MAP1B: variants seen among roughly 807,000 people sequenced by gnomAD.
MAP1B encodes the protein microtubule-associated protein 1B.
Under a neutral mutation model 176.1 loss-of-function variants are expected in MAP1B, and 12 were observed. The ratio of observed to expected loss-of-function variants is 0.07; its 90% CI spans 0.04 to 0.11. MAP1B has a LOEUF of 0.11. Among genes scored for constraint, MAP1B ranks in the 10% least tolerant of loss-of-function variants. MAP1B has a pLI of 1.00. For missense variants in MAP1B, 2,523 were observed against 2,990.5 expected (o/e 0.84, Z 3.65); for synonymous variants, 1,044 against 1,135.0 (o/e 0.92, Z 1.61).
chr5:72,146,130 C>T (rs978282545), intron 2 of MAP1B, among the ~76,000 whole-genome samples: 3 of 152,172 alleles, frequency 2.0e-5, no homozygotes, highest in South Asian at 4.1e-4. Flanking sequence ...TTTGCAATGC[C>T]AGTTGGAAGG....
intron 2 of MAP1B, among the ~76,000 whole-genome samples, chr5:72,150,270 G>A (rs973118681): frequency 5.9e-5 from 9 of 152,066 alleles, no homozygotes; most frequent in South Asian, 2.1e-4. Context: ...ATTTTATACC[G>A]TTATTACTCA....
intron 3 of MAP1B, 140 bp downstream of exon 3, chr5:72,183,965 C>T: frequency 1.5e-6 from 1 of 677,060 alleles, no homozygotes; most frequent in Non-Finnish European, 2.5e-6. Context: ...CTTTCTCAAC[C>T]CCCATTAAGT....
rs1561320214 is a variant in MAP1B, at chr5:72,204,951, T to C, written c.7252-133T>C. 1.7e-6 allele frequency: 1 copy of C among 599,292 alleles called. No homozygotes were observed. Among genetic ancestry groups the C allele is most frequent in the East Asian group, 2.9e-5 (1 of 34,192 alleles). 37.1% of individuals were successfully genotyped at this position (599,292 alleles called of 1,614,324 possible). ...TATACATTGAAAAATCCTTTGCATT[T>C]CTTGAGGAAAATAGAAAAGTTTTCT... On this transcript the variant is annotated intron_variant, in intron 6 of 6. Coordinates refer to ENST00000296755, the MANE Select transcript of MAP1B (RefSeq NM_005909.5). This position sits in a 1 kb window ranked among gnomAD's most constrained non-coding sequence, Gnocchi z 4.4.
At position 72,119,755 on chromosome 5, in the gene MAP1B, T is replaced by C. The variant is rs191853247; in HGVS notation, c.286+3956T>C. ...AACTCCTGAGCTCAAGCAATCTGTC[T>C]GCCTTGGCCTCAAAGTTCTGGGATT... On this transcript the variant is annotated intron_variant, in intron 2 of 6. Transcript: ENST00000296755. Among the ~76,000 whole-genome samples, 233 of 152,300 alleles carry C rather than the reference T, an allele frequency of 1.5e-3. 1 individual carries two copies. The highest frequency in any genetic ancestry group is 5.4e-3 in the African/African-American group (224 of 41,572).
In MAP1B at chr5:72,203,672, G is replaced by C. The variant is rs1223952793; in HGVS notation, c.7122G>C (p.Val2374=). 6.2e-7 allele frequency: 1 copy of C among 1,614,132 alleles called. No homozygotes were observed. Among genetic ancestry groups the C allele is most frequent in the Admixed American group, 1.7e-5 (1 of 60,014 alleles). Residue 2374 remains valine (V), a synonymous_variant, in exon 6 of 7, where the codon GTG becomes GTC. Transcript: ENST00000296755. ...PNHSNSKNVD[V]EFFKRVRSSY... ...ACAGCAATAGTAAGAATGTTGATGT[G>C]GAATTTTTCAAGAGAGTGCGGTCTT...
chr5:72,191,781 T>G (rs1222140219), intron 4 of MAP1B, among the ~76,000 whole-genome samples: 1 of 152,252 alleles, frequency 6.6e-6, no homozygotes, highest in Non-Finnish European at 1.5e-5. Flanking sequence ...CATTCACCAG[T>G]GTCTCTTGGC....
At chr5:72,200,507 C>A in intron 5 of MAP1B, 140 bp downstream of exon 5, 1 of 1,104,400 alleles carries the variant, frequency 9.1e-7, no homozygotes, top group Non-Finnish European at 1.3e-6. Flanking sequence ...TACTCTTCTC[C>A]TCTGCCCAAA....
chr5:72,138,845 A>G (rs965188299), intron 2 of MAP1B, among the ~76,000 whole-genome samples: 2 of 152,238 alleles, frequency 1.3e-5, no homozygotes, highest in Non-Finnish European at 2.9e-5. Flanking sequence ...CCCAAATTGT[A>G]ATATGGGTTA....
chr5:72,147,761 T>A (rs1283143362), intron 2 of MAP1B, among the ~76,000 whole-genome samples: 1 of 152,034 alleles, frequency 6.6e-6, no homozygotes, highest in Admixed American at 6.5e-5. Context: ...GGGGAAAAAA[T>A]TGGTTACTAT....
In MAP1B at chr5:72,208,984, AC is replaced by A. The variant is rs1229011676; in HGVS notation, c.*3746del. 6.6e-6 allele frequency: 1 copy of A among 152,208 alleles called. No individual in the cohort carries two copies. The highest frequency in any genetic ancestry group is 1.5e-5 in the Non-Finnish European group (1 of 68,044). 9.4% of individuals were successfully genotyped at this position (152,208 alleles called of 1,614,324 possible). On this transcript the variant is annotated 3_prime_UTR_variant, in exon 7 of 7. Transcript: ENST00000296755. The stretch of plus-strand genomic sequence containing the variant: ...TTTATCTTTTAACCAACTGAACAAT[AC>A]ACCAAAAGCAGCCTAGGGATGAGCA...
intron 5 of MAP1B, among the ~76,000 whole-genome samples, chr5:72,202,244 C>T (rs371925335): frequency 1.7e-4 from 26 of 152,204 alleles, no homozygotes; most frequent in Non-Finnish European, 2.8e-4. Context: ...GAGTAGAGGG[C>T]GAAATTGGCA....
At chr5:72,132,293 A>C (rs1209791104) in intron 2 of MAP1B, among the ~76,000 whole-genome samples, 1 of 152,224 alleles carries the variant, frequency 6.6e-6, no homozygotes, top group African/African-American at 2.4e-5. Flanking sequence ...AGTATTTTTC[A>C]TTAATTTTTT....
In MAP1B at chr5:72,178,255, G is replaced by A. The variant is rs560741128; in HGVS notation, c.287-5488G>A. Reference sequence around the variant, plus strand: ...TGACCTCAAGTGATCCACCTGCCTCGGCCTCCCAAAGTCCTGGGATTACAG... The same window carrying A: ...TGACCTCAAGTGATCCACCTGCCTCAGCCTCCCAAAGTCCTGGGATTACAG... On this transcript the variant is annotated intron_variant, in intron 2 of 6. Transcript: ENST00000296755. Among the ~76,000 whole-genome samples, 524 of 152,156 alleles carry A rather than the reference G, an allele frequency of 3.4e-3. 7 individuals are homozygous for A. Among genetic ancestry groups the A allele is most frequent in the Middle Eastern group, 0.017 (5 of 294 alleles).
intron 2 of MAP1B, among the ~76,000 whole-genome samples, chr5:72,172,955 G>T (rs1274012302): frequency 6.6e-6 from 1 of 152,260 alleles, no homozygotes; most frequent in African/African-American, 2.4e-5. Flanking sequence ...CTGTCTTCCT[G>T]CTTCCCTTTA....
At chr5:72,162,943 G>A (rs1239458978) in intron 2 of MAP1B, among the ~76,000 whole-genome samples, 1 of 151,964 alleles carries the variant, frequency 6.6e-6, no homozygotes, top group Non-Finnish European at 1.5e-5. Context: ...ATATAGAGGA[G>A]CCTCGGCTGG....
At chr5:72,123,547 C>T (rs540993347) in intron 2 of MAP1B, among the ~76,000 whole-genome samples, 4 of 151,448 alleles carry the variant, frequency 2.6e-5, no homozygotes, top group Admixed American at 6.6e-5. Flanking sequence ...TGCAGTGGTG[C>T]GATCTCGGCT....
intron 2 of MAP1B, among the ~76,000 whole-genome samples, chr5:72,120,073 G>A (rs1745499516): frequency 6.6e-6 from 1 of 152,194 alleles, no homozygotes; most frequent in South Asian, 2.1e-4. Context: ...GGGGTTGTAA[G>A]AAGTGCCCCA....
chr5:72,146,839 C>T (rs1301141254), intron 2 of MAP1B, among the ~76,000 whole-genome samples: 5 of 152,118 alleles, frequency 3.3e-5, no homozygotes, highest in Non-Finnish European at 7.3e-5. Flanking sequence ...GCTTTTGACA[C>T]ATAGCATCAG....
At chr5:72,202,648 C>T (rs1156601463) in intron 5 of MAP1B, among the ~76,000 whole-genome samples, 1 of 152,164 alleles carries the variant, frequency 6.6e-6, no homozygotes, top group Non-Finnish European at 1.5e-5. Flanking sequence ...CCAACCCAAG[C>T]CCACTTAAGT....
Sources: allele counts gnomAD v4.1 joint callset (sites outside exome capture counted in the v4.1 genomes callset), GRCh38; gene constraint gnomAD v4.1.1; non-coding constraint Gnocchi (gnomAD v3.1); transcripts MANE v1.5; gene names NCBI Gene and HGNC (gene_info 2026-07-23, HGNC 2026-07-21).